PRKG1: variants seen among roughly 807,000 people sequenced by gnomAD.
The protein encoded by PRKG1 is cGMP-dependent protein kinase 1.
In PRKG1, 35 loss-of-function variants were observed where a neutral mutation model predicts 88.1. The observed-to-expected ratio is 0.40, with a 90% CI of 0.30 to 0.53. The LOEUF (loss-of-function observed/expected upper bound fraction) is 0.53. Among genes scored for constraint, PRKG1 ranks in the 20% least tolerant of loss-of-function variants. The pLI, the probability that PRKG1 is intolerant of heterozygous loss-of-function variation, is 0.59. For missense variants in PRKG1, 540 were observed against 839.8 expected (o/e 0.64, Z 4.41); for synonymous variants, 303 against 292.5 (o/e 1.04, Z -0.37).
At chr10:51,057,461 G>C (rs1338601497) in intron 1 of PRKG1, among the ~76,000 whole-genome samples, 1 of 152,114 alleles carries the variant, frequency 6.6e-6, no homozygotes, top group Non-Finnish European at 1.5e-5. Context: ...TAATTCATAA[G>C]TCTTCAATGA....
In PRKG1 at chr10:51,491,584, AC is replaced by A. The variant is rs1840709404; in HGVS notation, c.592+23749del. ...GGTTCAGAGCATGACTATAACCACTACTTGGATCTCCATATACTCAGTACTT... is the reference window on the plus strand; with the variant it reads ...GGTTCAGAGCATGACTATAACCACTATTGGATCTCCATATACTCAGTACTT... On this transcript the variant is annotated intron_variant, in intron 3 of 17. Transcript: ENST00000373980. 2.6e-5 allele frequency among the ~76,000 whole-genome samples: 4 copies of A among 152,094 alleles called. 1 individual carries two copies. The South Asian group carries it at 8.3e-4, about 31-fold the overall frequency.
At chr10:51,861,982 G>T (rs569476189) in intron 4 of PRKG1, among the ~76,000 whole-genome samples, 229 of 152,272 alleles carry the variant, frequency 1.5e-3, no homozygotes, top group Admixed American at 2.5e-3. Context: ...TCCATGTTGG[G>T]TGCTTGCATC....
At chr10:51,423,411 C>CTA (rs1838475831) in intron 2 of PRKG1, among the ~76,000 whole-genome samples, 1 of 152,118 alleles carries the variant, frequency 6.6e-6, no homozygotes, top group South Asian at 2.1e-4. Context: ...TCTTTGTCTT[C>CTA]CTTGTTCCTC....
At chr10:51,551,997 A>G (rs948624869) in intron 3 of PRKG1, among the ~76,000 whole-genome samples, 3 of 151,646 alleles carry the variant, frequency 2.0e-5, no homozygotes, top group Non-Finnish European at 4.4e-5. Flanking sequence ...GAATAAGCTA[A>G]TCATTCTTAG....
intron 3 of PRKG1, among the ~76,000 whole-genome samples, chr10:51,673,711 A>G (rs570899217): frequency 6.6e-6 from 1 of 152,204 alleles, no homozygotes; most frequent in Non-Finnish European, 1.5e-5. Context: ...AGCATAATCC[A>G]TCAGAAATAT....
chr10:51,230,494 G>A (rs1404628722), intron 2 of PRKG1, among the ~76,000 whole-genome samples: 1 of 152,150 alleles, frequency 6.6e-6, no homozygotes, highest in East Asian at 1.9e-4. Flanking sequence ...ACCCTCTTAT[G>A]TGGTTGTAAG....
At chr10:51,414,619 T>G (rs1381727136) in intron 2 of PRKG1, among the ~76,000 whole-genome samples, 1 of 152,150 alleles carries the variant, frequency 6.6e-6, no homozygotes, top group Non-Finnish European at 1.5e-5. Flanking sequence ...ACATAAATTA[T>G]GTGGTTACAA....
At chr10:51,781,196 T>C (rs1238371947) in intron 3 of PRKG1, among the ~76,000 whole-genome samples, 2 of 152,130 alleles carry the variant, frequency 1.3e-5, no homozygotes, top group African/African-American at 4.8e-5. Context: ...CCCTTTCTGC[T>C]TTACAAATAT....
At chr10:51,458,423 T>G (rs1485658791) in intron 2 of PRKG1, among the ~76,000 whole-genome samples, 5 of 137,282 alleles carry the variant, frequency 3.6e-5, no homozygotes, top group African/African-American at 1.5e-4. Context: ...CAATGAGTAT[T>G]TAATAACCCT....
chr10:51,450,646 T>C (rs1456492063), intron 2 of PRKG1, among the ~76,000 whole-genome samples: 1 of 151,900 alleles, frequency 6.6e-6, no homozygotes, highest in Admixed American at 6.6e-5. Context: ...ATATGGAAAA[T>C]CTAAAGAAAA....
rs1040147134 is a variant in PRKG1, at chr10:50,991,033, G to A, written c.-346G>A. ...CACGGAGTGACTAGGAGAGGGGGAC[G>A]AGGGAGGGGGTCTCAGGGGAGGAAG... On this transcript the variant is annotated 5_prime_UTR_variant, in exon 1 of 18. Transcript: ENST00000401604. This position sits in a 1 kb window ranked among gnomAD's most constrained non-coding sequence, Gnocchi z 4.5. 2.2e-5 allele frequency: 5 copies of A among 227,642 alleles called. No individual in the cohort carries two copies. Among genetic ancestry groups the A allele is most frequent in the Middle Eastern group, 1.4e-3 (1 of 690 alleles). The allele number at this position is 227,642 out of a possible 1,614,324, so 14.1% of individuals were successfully genotyped here.
At chr10:51,317,156 A>T (rs1841343611) in intron 2 of PRKG1, among the ~76,000 whole-genome samples, 1 of 152,220 alleles carries the variant, frequency 6.6e-6, no homozygotes, top group Admixed American at 6.5e-5. Context: ...ACTGCACTTT[A>T]GATTCAGATT....
chr10:52,179,300 G>T (rs2132724503), intron 9 of PRKG1, among the ~76,000 whole-genome samples: 1 of 152,036 alleles, frequency 6.6e-6, no homozygotes, highest in Non-Finnish European at 1.5e-5. Context: ...CTTAGCTTTT[G>T]CTTGTTTATG....
chr10:52,276,405 A>G (rs540848173), intron 12 of PRKG1, among the ~76,000 whole-genome samples: 1 of 152,190 alleles, frequency 6.6e-6, no homozygotes, highest in Non-Finnish European at 1.5e-5. Context: ...TTACTCGTCA[A>G]TGAAAAAGGT....
At chr10:51,562,206 A>G (rs1459646978) in intron 3 of PRKG1, among the ~76,000 whole-genome samples, 1 of 131,426 alleles carries the variant, frequency 7.6e-6, no homozygotes, top group Non-Finnish European at 1.6e-5. Context: ...CCTAGGTGAC[A>G]GACCTAGACT....
intron 1 of PRKG1, among the ~76,000 whole-genome samples, chr10:51,085,737 T>G (rs774353847): frequency 2.6e-5 from 4 of 152,116 alleles, no homozygotes; most frequent in Non-Finnish European, 5.9e-5. Flanking sequence ...TATGGTACAG[T>G]GCAAAATGAA....
chr10:51,806,330 A>G (rs79681436), intron 4 of PRKG1, among the ~76,000 whole-genome samples: 5,279 of 152,244 alleles, frequency 0.035, 293 homozygotes, highest in African/African-American at 0.12. Flanking sequence ...AATGACTCTA[A>G]CAAGAACTCT....
chr10:52,280,236 T>G (rs1841972349), intron 12 of PRKG1, among the ~76,000 whole-genome samples: 3 of 152,186 alleles, frequency 2.0e-5, no homozygotes, highest in African/African-American at 7.2e-5. Context: ...GTACTTAGCT[T>G]GCATTATGAT....
At chr10:51,809,462 G>A (rs1229823560) in intron 4 of PRKG1, among the ~76,000 whole-genome samples, 1 of 152,182 alleles carries the variant, frequency 6.6e-6, no homozygotes, top group Non-Finnish European at 1.5e-5. Flanking sequence ...GAGTTAATTT[G>A]TGTTACTTTC....
Sources: allele counts gnomAD v4.1 joint callset (sites outside exome capture counted in the v4.1 genomes callset), GRCh38; gene constraint gnomAD v4.1.1; non-coding constraint Gnocchi (gnomAD v3.1); transcripts MANE v1.5; gene names NCBI Gene and HGNC (gene_info 2026-07-23, HGNC 2026-07-21).